The following GNAI1 variants were observed in gnomAD, a reference collection of about 807,000 sequenced individuals.
The protein encoded by GNAI1 is G protein subunit alpha i1.
A neutral mutation model predicts 38.9 loss-of-function variants in GNAI1; 11 were observed. The ratio of observed to expected loss-of-function variants is 0.28; its 90% confidence interval spans 0.18 to 0.47. The LOEUF (loss-of-function observed/expected upper bound fraction) is 0.47, where lower values mean the gene tolerates loss of function less well. GNAI1 is among the 20% of genes least tolerant of loss of function. The pLI is 0.99. For missense variants in GNAI1, 317 were observed against 436.9 expected (o/e 0.73, Z 2.45); for synonymous variants, 166 against 145.1 (o/e 1.14, Z -1.04).
At chr7:80,165,445 A>C (rs913376224) in intron 1 of GNAI1, among the ~76,000 whole-genome samples, 3 of 152,168 alleles carry the variant, frequency 2.0e-5, no homozygotes, top group African/African-American at 7.2e-5. Context: ...CCTGCAGTTT[A>C]ATATACTATC....
chr7:80,162,198 A>G (rs1562828094), intron 1 of GNAI1, among the ~76,000 whole-genome samples: 2 of 152,270 alleles, frequency 1.3e-5, no homozygotes, highest in Non-Finnish European at 1.5e-5. Context: ...GGCCCTCACC[A>G]AGAACCTGAC....
chr7:80,187,611 A>G (rs555407881), intron 1 of GNAI1: 10 of 152,340 alleles, frequency 6.6e-5, no homozygotes, highest in Non-Finnish European at 1.0e-4. Flanking sequence ...AATGCTGAAC[A>G]TGAAACTCTG....
chr7:80,175,553 C>CTTT (rs564032256), intron 1 of GNAI1, among the ~76,000 whole-genome samples: 16 of 132,172 alleles, frequency 1.2e-4, no homozygotes, highest in African/African-American at 2.8e-4. Flanking sequence ...CAGATACTGC[C>CTTT]TTTTTTTTTT....
Position 80,222,094 on chromosome 7 carries a change from T to C in GNAI1, c.*4601T>C, listed in dbSNP as rs938825298. 6.6e-6 allele frequency among the ~76,000 whole-genome samples: 1 copy of C among 151,988 alleles called. No individual in the cohort carries two copies. Among genetic ancestry groups the C allele is most frequent in the African/African-American group, 2.4e-5 (1 of 41,420 alleles). ...TTGGTGTCTGTTGTGATTTCTCTTA[T>C]TTAGTTGGATTTTGTAGTTACTTTA... On this transcript the variant is annotated 3_prime_UTR_variant, in exon 8 of 8. Coordinates refer to ENST00000649796, the MANE Select transcript of GNAI1 (RefSeq NM_002069.6).
At chr7:80,185,782 C>T (rs1346828395) in intron 1 of GNAI1, among the ~76,000 whole-genome samples, 1 of 152,132 alleles carries the variant, frequency 6.6e-6, no homozygotes. Context: ...TTTACTCTTT[C>T]CTGTATGCTA....
At position 80,218,136 on chromosome 7, in the gene GNAI1, C is replaced by G. The variant is rs551901261; in HGVS notation, c.*643C>G. On this transcript the variant is annotated 3_prime_UTR_variant, in exon 8 of 8. Transcript: ENST00000649796. ...ATGAATACACCTGCCTTTGGATCAACTATTTAAACATTGTATGCATTTTGA... is the reference window on the plus strand; with the variant it reads ...ATGAATACACCTGCCTTTGGATCAAGTATTTAAACATTGTATGCATTTTGA... 4 of 152,334 alleles carry G rather than the reference C, an allele frequency of 2.6e-5. No individual in the cohort carries two copies. In the East Asian group the frequency reaches 5.8e-4, roughly 22 times the overall value. The allele number at this position is 152,334 out of a possible 1,614,324, so 9.4% of individuals were successfully genotyped here.
rs1300513242 is a variant in GNAI1 at position 80,203,688 on chromosome 7, G to T, written c.462-16G>T. ...ATATTTACCATTAACATGTTGTTTT[G>T]TTTAATTTTTTTCAGCTATTTGAAT... is the stretch of plus-strand genomic sequence containing the variant. On this transcript the variant is annotated splice_polypyrimidine_tract_variant and intron_variant, in intron 4 of 7. Transcript: ENST00000649796. 2.6e-6 allele frequency: 4 copies of T among 1,532,144 alleles called. No homozygotes were observed. The highest frequency in any genetic ancestry group is 2.3e-5 in the East Asian group (1 of 43,062). The allele number at this position is 1,532,144 out of a possible 1,614,324, so 94.9% of individuals were successfully genotyped here.
chr7:80,224,972 CACA>C lies in GNAI1; in HGVS notation c.*7485_*7487del, dbSNP rs1278842939. 6.6e-6 allele frequency among the ~76,000 whole-genome samples: 1 copy of C among 151,838 alleles called. No homozygotes were observed. The highest frequency in any genetic ancestry group is 1.5e-5 in the Non-Finnish European group (1 of 67,972). ...GAAATGAAATGCTTTATTTTTCTTC[CACA>C]ACAACTCTATTTGCATTGCATGGAA... On this transcript the variant is annotated 3_prime_UTR_variant, in exon 8 of 8. Coordinates refer to ENST00000649796, the MANE Select transcript of GNAI1 (RefSeq NM_002069.6).
intron 1 of GNAI1, 56 bp downstream of exon 1, chr7:80,135,334 C>T: frequency 1.9e-6 from 2 of 1,058,208 alleles, no homozygotes; most frequent in Non-Finnish European, 1.3e-6. Context: ...TGCGGCGCTG[C>T]GCGGCCCTCG....
At chr7:80,140,984 G>C (rs556606478) in intron 1 of GNAI1, among the ~76,000 whole-genome samples, 13 of 152,266 alleles carry the variant, frequency 8.5e-5, no homozygotes, top group African/African-American at 2.6e-4. Flanking sequence ...AGCTGGTGGA[G>C]TCTTTCTCAT....
At chr7:80,181,471 A>C (rs1434001704) in intron 1 of GNAI1, among the ~76,000 whole-genome samples, 1 of 152,208 alleles carries the variant, frequency 6.6e-6, no homozygotes. Context: ...GAAAACGTAC[A>C]CCTGAAAATA....
intron 1 of GNAI1, among the ~76,000 whole-genome samples, chr7:80,178,573 T>A (rs1788235324): frequency 6.6e-6 from 1 of 152,210 alleles, no homozygotes; most frequent in Non-Finnish European, 1.5e-5. Flanking sequence ...AGATGATGAC[T>A]CGCTGAAGGG....
At chr7:80,152,170 C>T (rs550839933) in intron 1 of GNAI1, among the ~76,000 whole-genome samples, 17 of 152,226 alleles carry the variant, frequency 1.1e-4, no homozygotes, top group South Asian at 2.1e-4. Context: ...ACTGCTAGTA[C>T]GTGGCCATGC....
intron 6 of GNAI1, among the ~76,000 whole-genome samples, 158 bp from the exon 7 acceptor site, chr7:80,212,557 TA>T (rs767030278): frequency 2.0e-5 from 3 of 152,216 alleles, no homozygotes; most frequent in Non-Finnish European, 4.4e-5. Flanking sequence ...TTCTCTTACC[TA>T]AAGTGAAAGT....
rs1436270683 is a variant in GNAI1, at chr7:80,135,295, C to T, written c.118+17C>T. 4 of 1,373,596 alleles carry T rather than the reference C, an allele frequency of 2.9e-6. No individual in the cohort carries two copies. Among genetic ancestry groups the T allele is most frequent in the African/African-American group, 3.0e-5 (2 of 65,970 alleles). The allele number at this position is 1,373,596 out of a possible 1,614,324, so 85.1% of individuals were successfully genotyped here. On this transcript the variant is annotated intron_variant, in intron 1 of 7. Transcript: ENST00000649796. ...TGCTGCTCGGTAAGGGCGGCCGGGT[C>T]GGGGCCCGGGGGTCGGCGGGGGACC...
chr7:80,174,252 A>T (rs1413429872), intron 1 of GNAI1, among the ~76,000 whole-genome samples: 1 of 152,134 alleles, frequency 6.6e-6, no homozygotes, highest in Non-Finnish European at 1.5e-5. Flanking sequence ...GTAAAAACAC[A>T]CTACTCCAGT....
chr7:80,198,177 G>T (rs1277082211), intron 3 of GNAI1, among the ~76,000 whole-genome samples: 2 of 151,720 alleles, frequency 1.3e-5, no homozygotes, highest in African/African-American at 4.8e-5. Flanking sequence ...TCCTTAAAAT[G>T]TATCTACTTT....
At chr7:80,146,386 A>G (rs1787623396) in intron 1 of GNAI1, among the ~76,000 whole-genome samples, 2 of 152,278 alleles carry the variant, frequency 1.3e-5, no homozygotes, top group South Asian at 4.1e-4. Context: ...TGTAAATGCA[A>G]AAGAGAAAAA....
At chr7:80,179,121 G>A (rs1788247357) in intron 1 of GNAI1, among the ~76,000 whole-genome samples, 1 of 152,148 alleles carries the variant, frequency 6.6e-6, no homozygotes, top group Non-Finnish European at 1.5e-5. Context: ...GGAGGGAAGG[G>A]AAAATATAAT....
Sources: allele counts gnomAD v4.1 joint callset (sites outside exome capture counted in the v4.1 genomes callset), GRCh38; gene constraint gnomAD v4.1.1; transcripts MANE v1.5; gene names NCBI Gene and HGNC (gene_info 2026-07-23, HGNC 2026-07-21).